The following TLR10 variants were observed in gnomAD, a reference collection of about 807,000 sequenced individuals.
TLR10 encodes the protein toll like receptor 10.
For missense variants in TLR10, 929 were observed against 932.9 expected, an observed-to-expected ratio of 1.00 and a Z score of 0.05; for synonymous variants, 288 against 338.8, an observed-to-expected ratio of 0.85 and a Z score of 1.65.
Position 38,775,492 on chromosome 4 carries a change from G to A in TLR10, c.99C>T (p.Asn33=). Residue 33 remains asparagine (N), a synonymous_variant, in exon 4 of 4, where the codon AAC becomes AAT. Coordinates refer to ENST00000308973, the MANE Select transcript of TLR10 (RefSeq NM_030956.4). ...ELPEERELMT[N]CSNMSLRKVP... Reference sequence around the variant, plus strand: ...CCTTTCTTAGAGACATGTTGGAGCAGTTGGTCATCAGTTCCCTTTCTTCTG... The same window carrying A: ...CCTTTCTTAGAGACATGTTGGAGCAATTGGTCATCAGTTCCCTTTCTTCTG... The A allele has an allele frequency of 1.2e-6, 2 of 1,614,182 alleles. No homozygotes were observed. The highest frequency in any genetic ancestry group is 1.3e-5 in the African/African-American group (1 of 75,062).
chr4:38,782,869 G>A (rs567116075), intron 1 of TLR10, 52 bp downstream of exon 1: 13 of 152,248 alleles, frequency 8.5e-5, no homozygotes, highest in African/African-American at 3.1e-4. Flanking sequence ...TACCCATGCA[G>A]CCCTTATATC....
chr4:38,774,426 A>C lies in TLR10; in HGVS notation c.1165T>G (p.Leu389Val). 1 of 1,613,334 alleles carries C rather than the reference A, an allele frequency of 6.2e-7. No individual in the cohort carries two copies. Among genetic ancestry groups the C allele is most frequent in the Non-Finnish European group, 8.5e-7 (1 of 1,179,806 alleles). Residue 389 changes from leucine to valine, a missense_variant, in exon 4 of 4, where the codon TTA (leucine) becomes GTA (valine). By Grantham distance (32) the Leu-to-Val change is conservative. Transcript: ENST00000308973. Reference protein sequence around the residue: ...LNGNKLETLSLVSCFANNTPL... With the variant: ...LNGNKLETLSVVSCFANNTPL... Reference sequence around the variant, plus strand: ...GTGTTGTTAGCAAAGCAACTTACTAAAGAAAGTGTCTCCAGTTTATTGCCA... The same window carrying C: ...GTGTTGTTAGCAAAGCAACTTACTACAGAAAGTGTCTCCAGTTTATTGCCA...
At chr4:38,777,676 C>G (rs574896050) in intron 1 of TLR10, among the ~76,000 whole-genome samples, 2 of 152,078 alleles carry the variant, frequency 1.3e-5, no homozygotes, top group African/African-American at 4.8e-5. Flanking sequence ...GACATTTATG[C>G]AGCCAACAAA....
In TLR10 at chr4:38,772,997, C is replaced by G. The variant is rs1195014644; in HGVS notation, c.*158G>C. On this transcript the variant is annotated 3_prime_UTR_variant, in exon 4 of 4. Transcript: ENST00000308973. ...CCCTTATAAACTTGTGAAGGTGTTTCTATAGGATACATTCTTAGAAATCCT... is the reference window on the plus strand; with the variant it reads ...CCCTTATAAACTTGTGAAGGTGTTTGTATAGGATACATTCTTAGAAATCCT... 1.6e-6 allele frequency: 1 copy of G among 642,524 alleles called. No homozygotes were observed. The highest frequency in any genetic ancestry group is 3.8e-5 in the Admixed American group (1 of 26,158). 39.8% of individuals were successfully genotyped at this position (642,524 alleles called of 1,614,324 possible). A position where few individuals can be genotyped will look rare whatever the true frequency, so the allele number is the denominator to read the frequency against.
rs750464610 is a variant in TLR10 at position 38,773,729 on chromosome 4, C to G, written c.1862G>C (p.Arg621Thr). 1 of 1,613,732 alleles carries G rather than the reference C, an allele frequency of 6.2e-7. No individual in the cohort carries two copies. Among genetic ancestry groups the G allele is most frequent in the African/African-American group, 1.3e-5 (1 of 74,900 alleles). The stretch of plus-strand genomic sequence containing the variant: ...CTTGAGTTGTTCTTGGGTTGTTTTC[C>G]TAACCCTGTGCCATGTTTGTGTGCA... Reference protein sequence around the residue: ...GQCTQTWHRVRKTTQEQLKRN... With the variant: ...GQCTQTWHRVTKTTQEQLKRN... Residue 621 changes from arginine to threonine, a missense_variant, in exon 4 of 4, where the codon AGG becomes ACG. Coordinates refer to ENST00000308973, the MANE Select transcript of TLR10 (RefSeq NM_030956.4).
Position 38,774,052 on chromosome 4 carries a change from T to A in TLR10, c.1539A>T (p.Glu513Asp), listed in dbSNP as rs1351864521. 1 of 1,612,140 alleles carries A rather than the reference T, an allele frequency of 6.2e-7. No homozygotes were observed. Among genetic ancestry groups the A allele is most frequent in the Admixed American group, 1.7e-5 (1 of 59,752 alleles). ...PSLDFVQSCQ[E>D]VKTLNAGRNP... ...TTCTTCCCGCATTTAGAGTTTTAAC[T>A]TCCTGGCAGCTCTGAACAAAATCCA... The change falls in exon 4 of 4, where the codon GAA becomes GAT. Residue 513 changes from glutamate to aspartate, a missense_variant. Physicochemically the swap from Glu to Asp is conservative, Grantham distance 45. Coordinates refer to ENST00000308973, the MANE Select transcript of TLR10 (RefSeq NM_030956.4).
Position 38,773,124 on chromosome 4 carries a change from T to C in TLR10, c.*31A>G. On this transcript the variant is annotated 3_prime_UTR_variant, in exon 4 of 4. Transcript: ENST00000308973. ...TCAATGTACATCCCAACAGTGTATG[T>C]GGTCCCCAACTTCCCAAGGACTGTG... The C allele has an allele frequency of 6.7e-7, 1 of 1,501,224 alleles. No individual in the cohort carries two copies. The allele number at this position is 1,501,224 out of a possible 1,614,324, so 93.0% of individuals were successfully genotyped here. A position where few individuals can be genotyped will look rare whatever the true frequency, so the allele number is the denominator to read the frequency against.
At position 38,774,116 on chromosome 4, in the gene TLR10, A is replaced by T; in HGVS notation, c.1475T>A (p.Val492Asp). 6.2e-7 allele frequency: 1 copy of T among 1,611,486 alleles called. No individual in the cohort carries two copies. Residue 492 changes from valine to aspartate, a missense_variant, in exon 4 of 4, where the codon GTT becomes GAT. Transcript: ENST00000308973. Reference protein sequence around the residue: ...PGCSHFSRLSVLNIEMNFILS... With the variant: ...PGCSHFSRLSDLNIEMNFILS... ...AATGAAGTTCATTTCAATGTTCAGAACTGAAAGTCTACTGAAATGACTGCA... is the reference window on the plus strand; with the variant it reads ...AATGAAGTTCATTTCAATGTTCAGATCTGAAAGTCTACTGAAATGACTGCA...
intron 1 of TLR10, among the ~76,000 whole-genome samples, chr4:38,779,266 T>C (rs1725251963): frequency 6.6e-6 from 1 of 152,242 alleles, no homozygotes; most frequent in Non-Finnish European, 1.5e-5. Context: ...CATAAACTAT[T>C]GTTTCTGGTA....
Position 38,774,540 on chromosome 4 carries a change from G to A in TLR10, c.1051C>T (p.Gln351Ter), listed in dbSNP as rs1213014359. 6.3e-7 allele frequency: 1 copy of A among 1,586,358 alleles called. No homozygotes were observed. Among genetic ancestry groups the A allele is most frequent in the East Asian group, 2.2e-5 (1 of 44,644 alleles). ...MLFPNYPTKFQYLNFANNILT... is the reference protein window; with the variant it reads ...MLFPNYPTKF The stretch of plus-strand genomic sequence containing the variant: ...ATATTATTGGCAAAATTTAAATATT[G>A]GAATTTCGTAGGATAATTCGGGAAA... Residue 351 changes from glutamine to a stop codon, truncating the protein, a stop_gained, in exon 4 of 4, where the codon CAA becomes TAA. Coordinates refer to ENST00000308973, the MANE Select transcript of TLR10 (RefSeq NM_030956.4). LOFTEE classifies it low-confidence loss of function (END_TRUNC).
chr4:38,774,863 T>G lies in TLR10; in HGVS notation c.728A>C (p.Lys243Thr). ...TTTATTAAGCAATAGAACCGATGTC[T>G]TAGCATTTTCTAAACTAAGATTTCG... ...MQRNLSLENA[K>T]TSVLLLNKVD... The change falls in exon 4 of 4, where the codon AAG (lysine) becomes ACG (threonine). Residue 243 changes from lysine to threonine, a missense_variant. Transcript: ENST00000308973. The G allele has an allele frequency of 6.2e-7, 1 of 1,605,734 alleles. No homozygotes were observed. Among genetic ancestry groups the G allele is most frequent in the Non-Finnish European group, 8.5e-7 (1 of 1,176,454 alleles).
At chr4:38,781,338 C>CTT (rs34846566) in intron 1 of TLR10, among the ~76,000 whole-genome samples, 5 of 144,826 alleles carry the variant, frequency 3.5e-5, no homozygotes, top group South Asian at 2.2e-4. Flanking sequence ...AGGACATACA[C>CTT]TTTTTTTTTT....
Position 38,780,571 on chromosome 4 carries a change from T to C in TLR10, c.-569+2350A>G, listed in dbSNP as rs575967706. ...GAGCTTGTGAAGAGGCATAAGACAATGTATGTAAGTCACTTAGTACCATGC... is the reference window on the plus strand; with the variant it reads ...GAGCTTGTGAAGAGGCATAAGACAACGTATGTAAGTCACTTAGTACCATGC... On this transcript the variant is annotated intron_variant, in intron 1 of 3. Coordinates refer to ENST00000308973, the MANE Select transcript of TLR10 (RefSeq NM_030956.4). Among the ~76,000 whole-genome samples the C allele has an allele frequency of 2.6e-5, 4 of 152,268 alleles. No individual in the cohort carries two copies. In the South Asian group the frequency reaches 6.2e-4, roughly 24 times the overall value.
At chr4:38,780,793 A>C (rs1026742013) in intron 1 of TLR10, among the ~76,000 whole-genome samples, 7 of 152,266 alleles carry the variant, frequency 4.6e-5, no homozygotes, top group African/African-American at 1.4e-4. Flanking sequence ...AGACAGGATC[A>C]GTATTGCTGA....
intron 1 of TLR10, among the ~76,000 whole-genome samples, chr4:38,781,280 A>T (rs1424458460): frequency 6.6e-6 from 1 of 152,250 alleles, no homozygotes; most frequent in East Asian, 1.9e-4. Context: ...GGGTGTGATT[A>T]GAGGTGTGAG....
intron 3 of TLR10, 58 bp downstream of exon 3, chr4:38,775,717 G>T: frequency 1.9e-6 from 2 of 1,030,366 alleles, no homozygotes; most frequent in Non-Finnish European, 1.3e-6. Context: ...ATTTTTATTT[G>T]CAAAAAAAAT....
chr4:38,774,298 A>G lies in TLR10; in HGVS notation c.1293T>C (p.Asn431=), dbSNP rs146660104. The change falls in exon 4 of 4, where the codon AAT becomes AAC. Residue 431 remains asparagine, a synonymous_variant. Transcript: ENST00000308973. ...ACCTGAAGACAGAATCAGACAATTT[A>G]TTGTATGACAGATTCATATTGACCA... ...ETVVNMNLSY[N]KLSDSVFRCL... The G allele has an allele frequency of 8.1e-5, 130 of 1,612,620 alleles. No individual in the cohort carries two copies. Among genetic ancestry groups the G allele is most frequent in the Middle Eastern group, 4.9e-4 (3 of 6,080 alleles).
intron 1 of TLR10, among the ~76,000 whole-genome samples, chr4:38,778,225 C>T (rs543480259): frequency 6.6e-6 from 1 of 152,298 alleles, no homozygotes; most frequent in Admixed American, 6.5e-5. Context: ...CACATGTTCT[C>T]ACTCATAACT....
In TLR10 at chr4:38,775,634, T is replaced by C. The variant is rs370301036; in HGVS notation, c.-44A>G. 24 of 1,506,768 alleles carry C rather than the reference T, an allele frequency of 1.6e-5. No homozygotes were observed. Among genetic ancestry groups the C allele is most frequent in the Non-Finnish European group, 2.1e-5 (23 of 1,121,040 alleles). The allele number at this position is 1,506,768 out of a possible 1,614,324, so 93.3% of individuals were successfully genotyped here. A position where few individuals can be genotyped will look rare whatever the true frequency, so the allele number is the denominator to read the frequency against. On this transcript the variant is annotated 5_prime_UTR_variant, in exon 4 of 4. Transcript: ENST00000308973. ...ACCACTTATTTCCTCATATGAATGATGAAGATGAGCTCAAAACCCTAAAAA... is the reference window on the plus strand; with the variant it reads ...ACCACTTATTTCCTCATATGAATGACGAAGATGAGCTCAAAACCCTAAAAA...
Sources: allele counts gnomAD v4.1 joint callset (sites outside exome capture counted in the v4.1 genomes callset), GRCh38; gene constraint gnomAD v4.1.1; transcripts MANE v1.5; gene names NCBI Gene and HGNC (gene_info 2026-07-23, HGNC 2026-07-21).